The following RBFOX1 variants were observed in gnomAD, a reference collection of about 807,000 sequenced individuals.
The protein encoded by RBFOX1 is RNA binding protein fox-1 homolog 1.
Under a neutral mutation model 57.7 loss-of-function variants are expected in RBFOX1, and 8 were observed. The ratio of observed to expected loss-of-function variants is 0.14; its 90% CI spans 0.08 to 0.25. The LOEUF (loss-of-function observed/expected upper bound fraction) is 0.25. RBFOX1 is among the 10% of genes least tolerant of loss of function. RBFOX1 has a pLI of 1.00. For missense variants in RBFOX1, 611 were observed against 548.5 expected, an observed-to-expected ratio of 1.11 and a Z score of -1.14; for synonymous variants, 326 against 222.4, an observed-to-expected ratio of 1.47 and a Z score of -4.15.
At chr16:5,660,584 G>A (rs4786051) in intron 3 of RBFOX1, among the ~76,000 whole-genome samples, 138,674 of 152,218 alleles carry the variant, frequency 0.91, 63,800 homozygotes, top group East Asian at 1. Flanking sequence ...GGAAGATAGG[G>A]AATTTATGGT....
intron 3 of RBFOX1, among the ~76,000 whole-genome samples, chr16:7,048,062 A>G (rs1182801780): frequency 6.6e-6 from 1 of 151,902 alleles, no homozygotes; most frequent in Non-Finnish European, 1.5e-5. Flanking sequence ...TATTTTTAGT[A>G]GAGAAGGGGT....
At position 6,183,294 on chromosome 16, in the gene RBFOX1, C is replaced by G. The variant is rs555121641; in HGVS notation, c.-126-133701C>G. On this transcript the variant is annotated intron_variant, in intron 1 of 15. Transcript: ENST00000550418. ...AGGAGATCGAGACCATCCTGGGTAACAAGGTGAAACCCTGTCTCTACTAAA... is the reference window on the plus strand; with the variant it reads ...AGGAGATCGAGACCATCCTGGGTAAGAAGGTGAAACCCTGTCTCTACTAAA... 4.6e-5 allele frequency among the ~76,000 whole-genome samples: 7 copies of G among 151,896 alleles called. No homozygotes were observed. In the South Asian group the frequency reaches 1.3e-3, roughly 27 times the overall value.
At chr16:5,285,164 T>A (rs952613737) in intron 1 of RBFOX1, among the ~76,000 whole-genome samples, 2 of 152,216 alleles carry the variant, frequency 1.3e-5, no homozygotes, top group African/African-American at 4.8e-5. Flanking sequence ...TCTTTCTTTT[T>A]GTCTGACTGG....
intron 3 of RBFOX1, among the ~76,000 whole-genome samples, chr16:6,905,102 T>TAAAAAAAA (rs974440013): frequency 5.3e-5 from 8 of 152,252 alleles, no homozygotes; most frequent in Admixed American, 1.3e-4. Flanking sequence ...TCAGTGTTGT[T>TAAAAAAAA]AAAAAATCCA....
intron 11 of RBFOX1, among the ~76,000 whole-genome samples, chr16:7,651,486 T>C (rs1344810255): frequency 6.6e-6 from 1 of 152,202 alleles, no homozygotes; most frequent in African/African-American, 2.4e-5. Flanking sequence ...ATGCACATTT[T>C]TTCCTTCCAA....
chr16:5,966,165 AAGTGAATACACTCATAAAG>A (rs1596312545), intron 4 of RBFOX1, among the ~76,000 whole-genome samples: 1 of 152,080 alleles, frequency 6.6e-6, no homozygotes, highest in East Asian at 1.9e-4. Context: ...GAATTTTCAC[AAGTGAATACACTCATAAAG>A]CCACCGTGAG....
chr16:6,038,976 A>T (rs1357201391), intron 1 of RBFOX1: 4 of 139,068 alleles, frequency 2.9e-5, no homozygotes, highest in Admixed American at 1.5e-4. Context: ...ATACCAGCCA[A>T]TGTCCTCTGC....
intron 3 of RBFOX1, among the ~76,000 whole-genome samples, chr16:6,739,076 A>T (rs1030370080): frequency 6.6e-6 from 1 of 152,152 alleles, no homozygotes; most frequent in African/African-American, 2.4e-5. Flanking sequence ...TACTTCAGAC[A>T]AAAATAGGGA....
intron 2 of RBFOX1, among the ~76,000 whole-genome samples, chr16:5,538,619 C>CTTTTTTTTT (rs59757856): frequency 7.9e-6 from 1 of 126,946 alleles, no homozygotes; most frequent in Non-Finnish European, 1.7e-5. Flanking sequence ...TTTATTTCTT[C>CTTTTTTTTT]TTTTTTTTTT....
intron 2 of RBFOX1, among the ~76,000 whole-genome samples, chr16:6,355,862 T>C (rs1310275276): frequency 6.6e-6 from 1 of 152,182 alleles, no homozygotes; most frequent in African/African-American, 2.4e-5. Context: ...AGTTGGTATA[T>C]ACAAAATGAT....
intron 2 of RBFOX1, among the ~76,000 whole-genome samples, chr16:5,524,604 G>A (rs1049268799): frequency 2.0e-5 from 3 of 150,928 alleles, no homozygotes; most frequent in Admixed American, 1.3e-4. Context: ...GCAGTGGTGC[G>A]ATCTTGGCTC....
intron 2 of RBFOX1, among the ~76,000 whole-genome samples, chr16:6,408,764 G>A (rs1190497278): frequency 6.6e-6 from 1 of 152,190 alleles, no homozygotes; most frequent in African/African-American, 2.4e-5. Context: ...CAAACAACAA[G>A]TCAGGTGACC....
chr16:5,898,685 C>G lies in RBFOX1; in HGVS notation c.351+31350C>G, dbSNP rs933734955. On this transcript the variant is annotated intron_variant, in intron 4 of 19. Coordinates refer to the RBFOX1 transcript ENST00000641259. The stretch of plus-strand genomic sequence containing the variant: ...GTGAGTGGCAAGTCCAGAATTTGAT[C>G]TCAAGCCATTTGACTTCACGGGCAA... 6.6e-5 allele frequency among the ~76,000 whole-genome samples: 10 copies of G among 152,026 alleles called. No homozygotes were observed. The South Asian group carries it at 1.0e-3, about 16-fold the overall frequency.
intron 3 of RBFOX1, among the ~76,000 whole-genome samples, chr16:6,782,921 G>T (rs2081274499): frequency 6.6e-6 from 1 of 151,958 alleles, no homozygotes; most frequent in Non-Finnish European, 1.5e-5. Context: ...TCCAGCATTA[G>T]GTTTATATAT....
At chr16:5,900,513 C>T (rs1328172509) in intron 4 of RBFOX1, among the ~76,000 whole-genome samples, 1 of 152,042 alleles carries the variant, frequency 6.6e-6, no homozygotes, top group Non-Finnish European at 1.5e-5. Context: ...CCCTTTTGCC[C>T]CAGAGTAGAA....
At chr16:6,087,049 G>A (rs1254710394) in intron 1 of RBFOX1, among the ~76,000 whole-genome samples, 1 of 152,082 alleles carries the variant, frequency 6.6e-6, no homozygotes, top group Non-Finnish European at 1.5e-5. Context: ...GGAGTGAGAC[G>A]GATTGATATC....
At chr16:5,902,986 C>T (rs1597714029) in intron 4 of RBFOX1, among the ~76,000 whole-genome samples, 2 of 152,048 alleles carry the variant, frequency 1.3e-5, no homozygotes, top group African/African-American at 4.8e-5. Flanking sequence ...TTCTAAACTC[C>T]CCCACCCTCA....
chr16:5,784,565 G>A (rs1384241666), intron 3 of RBFOX1, among the ~76,000 whole-genome samples: 1 of 152,140 alleles, frequency 6.6e-6, no homozygotes, highest in Non-Finnish European at 1.5e-5. Context: ...AGCTGGGATG[G>A]TGCTAAACTC....
intron 14 of RBFOX1, among the ~76,000 whole-genome samples, chr16:7,698,329 G>C (rs562665273): frequency 6.6e-6 from 1 of 151,924 alleles, no homozygotes; most frequent in African/African-American, 2.4e-5. Flanking sequence ...TTTCATCTCA[G>C]TTCCTGATGA....
Sources: allele counts gnomAD v4.1 joint callset (sites outside exome capture counted in the v4.1 genomes callset), GRCh38; gene constraint gnomAD v4.1.1; transcripts MANE v1.5; gene names NCBI Gene and HGNC (gene_info 2026-07-23, HGNC 2026-07-21).